The following IER3IP1 variants were observed in gnomAD, a reference collection of about 807,000 sequenced individuals.
IER3IP1 encodes the protein immediate early response 3 interacting protein 1.
Under a neutral mutation model 12.2 loss-of-function variants are expected in IER3IP1, and 16 were observed. The observed-to-expected ratio is 1.31, with a 90% CI of 0.89 to 1.99. The LOEUF (loss-of-function observed/expected upper bound fraction) is 1.99, where lower values mean the gene tolerates loss of function less well. Ranked by LOEUF, IER3IP1 falls within the 30% of genes most tolerant of loss-of-function variation. IER3IP1 has a pLI of 0.00. For missense variants in IER3IP1, 95 were observed against 95.8 expected, an observed-to-expected ratio of 0.99 and a Z score of 0.03; for synonymous variants, 42 against 40.0, an observed-to-expected ratio of 1.05 and a Z score of -0.19.
rs1568075872 is a variant in IER3IP1, at chr18:47,176,346, A to AAGG, written c.-70_-69insCCT. 8 of 1,391,886 alleles carry AAGG rather than the reference A, an allele frequency of 5.7e-6. No individual in the cohort carries two copies. Among genetic ancestry groups the AAGG allele is most frequent in the Non-Finnish European group, 8.0e-6 (8 of 1,006,156 alleles). 86.2% of individuals were successfully genotyped at this position (1,391,886 alleles called of 1,614,324 possible). On this transcript the variant is annotated 5_prime_UTR_variant, in exon 1 of 3. Coordinates refer to ENST00000256433, the MANE Select transcript of IER3IP1 (RefSeq NM_016097.5). ...CCGCCGCAAGGGACGTGGCGCCTCC[A>AAGG]CGGCCGGCGCCTTCCTACGGAAGCC...
intron 1 of IER3IP1, among the ~76,000 whole-genome samples, chr18:47,161,089 A>T (rs991582494): frequency 6.6e-6 from 1 of 152,170 alleles, no homozygotes. Context: ...TACAGGGCTT[A>T]ATTAATTCCT....
At chr18:47,157,335 T>A (rs1477636837) in intron 2 of IER3IP1, 101 bp downstream of exon 2, 17 of 932,190 alleles carry the variant, frequency 1.8e-5, no homozygotes, top group South Asian at 7.1e-5. Context: ...AGAAAAAAAA[T>A]TCCCACTACA....
In IER3IP1 at chr18:47,173,720, A is replaced by G. The variant is rs551425867; in HGVS notation, c.91+2467T>C. Among the ~76,000 whole-genome samples the G allele has an allele frequency of 3.3e-5, 5 of 152,242 alleles. No homozygotes were observed. The East Asian group carries it at 9.7e-4, about 29-fold the overall frequency. ...GCACAAACTGGGTGGCTTAACAGAA[A>G]TTTTTTCATAATTTTGGAGGCTAAA... On this transcript the variant is annotated intron_variant, in intron 1 of 2. Coordinates refer to ENST00000256433, the MANE Select transcript of IER3IP1 (RefSeq NM_016097.5).
chr18:47,165,029 A>G (rs1410990352), intron 1 of IER3IP1, among the ~76,000 whole-genome samples: 1 of 152,232 alleles, frequency 6.6e-6, no homozygotes, highest in African/African-American at 2.4e-5. Flanking sequence ...AACGCTCGAC[A>G]CACATATTTT....
intron 1 of IER3IP1, among the ~76,000 whole-genome samples, chr18:47,170,754 C>T (rs1229170745): frequency 6.6e-6 from 1 of 152,030 alleles, no homozygotes; most frequent in Non-Finnish European, 1.5e-5. Context: ...TCTTATTAAA[C>T]TCATTCATTT....
At chr18:47,158,461 C>T (rs1366318553) in intron 1 of IER3IP1, among the ~76,000 whole-genome samples, 1 of 152,048 alleles carries the variant, frequency 6.6e-6, no homozygotes, top group African/African-American at 2.4e-5. Context: ...CCCACCTCGG[C>T]CTCCCGAGTA....
intron 1 of IER3IP1, among the ~76,000 whole-genome samples, chr18:47,174,097 G>C (rs1427132742): frequency 6.6e-6 from 1 of 152,186 alleles, no homozygotes; most frequent in African/African-American, 2.4e-5. Flanking sequence ...ATCTTTTTGA[G>C]GGACACAATT....
intron 1 of IER3IP1, among the ~76,000 whole-genome samples, chr18:47,159,907 C>T (rs2063974345): frequency 6.6e-6 from 1 of 152,062 alleles, no homozygotes; most frequent in Non-Finnish European, 1.5e-5. Context: ...TAAAAGTTCC[C>T]ATCCTTGGCC....
chr18:47,162,113 G>A (rs1176772680), intron 1 of IER3IP1, among the ~76,000 whole-genome samples: 1 of 152,088 alleles, frequency 6.6e-6, no homozygotes, highest in Non-Finnish European at 1.5e-5. Flanking sequence ...GGGTGGCCCA[G>A]TTCCTAATAG....
chr18:47,166,361 T>C (rs2063995990), intron 1 of IER3IP1, among the ~76,000 whole-genome samples: 1 of 152,168 alleles, frequency 6.6e-6, no homozygotes, highest in Non-Finnish European at 1.5e-5. Context: ...ACAGTGATGC[T>C]ATGACCCATG....
chr18:47,172,900 C>T lies in IER3IP1; in HGVS notation c.91+3287G>A, dbSNP rs1288040145. 1.3e-5 allele frequency among the ~76,000 whole-genome samples: 2 copies of T among 152,164 alleles called. No homozygotes were observed. The highest frequency in any genetic ancestry group is 2.9e-5 in the Non-Finnish European group (2 of 68,026). On this transcript the variant is annotated intron_variant, in intron 1 of 2. Coordinates refer to ENST00000256433, the MANE Select transcript of IER3IP1 (RefSeq NM_016097.5). The surrounding 1 kb of genome is among the most constrained non-coding windows in gnomAD (Gnocchi z 4.0). Reference sequence around the variant, plus strand: ...CTCTGTTTTGCTCACTTGTCAAGTTCTCCTGTCAGTTCTTCCATCTCTACC... The same window carrying T: ...CTCTGTTTTGCTCACTTGTCAAGTTTTCCTGTCAGTTCTTCCATCTCTACC...
chr18:47,168,399 G>C (rs1430482140), intron 1 of IER3IP1, among the ~76,000 whole-genome samples: 1 of 151,680 alleles, frequency 6.6e-6, no homozygotes, highest in Non-Finnish European at 1.5e-5. Flanking sequence ...AAGATGAAAT[G>C]AACATTATTC....
At chr18:47,169,413 C>T (rs762955631) in intron 1 of IER3IP1, among the ~76,000 whole-genome samples, 1 of 151,990 alleles carries the variant, frequency 6.6e-6, no homozygotes, top group East Asian at 1.9e-4. Context: ...GTTTTCAATA[C>T]TCTTGGTATA....
At chr18:47,159,921 C>T (rs890137361) in intron 1 of IER3IP1, among the ~76,000 whole-genome samples, 2 of 151,706 alleles carry the variant, frequency 1.3e-5, no homozygotes, top group Non-Finnish European at 2.9e-5. Flanking sequence ...CTTGGCCGGG[C>T]GCGGTGGCTC....
chr18:47,164,273 A>G (rs1224829800), intron 1 of IER3IP1, among the ~76,000 whole-genome samples: 1 of 151,298 alleles, frequency 6.6e-6, no homozygotes, highest in African/African-American at 2.4e-5. Flanking sequence ...TTATGCCACC[A>G]GAATGAAAAA....
intron 1 of IER3IP1, among the ~76,000 whole-genome samples, chr18:47,171,234 T>C (rs1394522835): frequency 6.6e-6 from 1 of 152,226 alleles, no homozygotes; most frequent in Non-Finnish European, 1.5e-5. Context: ...CACTTGTTCA[T>C]GGTATATAAT....
At chr18:47,174,933 G>A (rs1210555263) in intron 1 of IER3IP1, among the ~76,000 whole-genome samples, 2 of 152,138 alleles carry the variant, frequency 1.3e-5, no homozygotes, top group African/African-American at 2.4e-5. Context: ...CTTCCTCCAA[G>A]AAGCTTTCGC....
intron 1 of IER3IP1, among the ~76,000 whole-genome samples, chr18:47,163,154 T>C (rs142842971): frequency 6.6e-6 from 1 of 152,134 alleles, no homozygotes; most frequent in Non-Finnish European, 1.5e-5. Flanking sequence ...TTAGACATAG[T>C]AAGAGATTAA....
In IER3IP1 at chr18:47,176,314, T is replaced by A; in HGVS notation, c.-37A>T. The A allele has an allele frequency of 6.5e-7, 1 of 1,547,796 alleles. No homozygotes were observed. Among genetic ancestry groups the A allele is most frequent in the Non-Finnish European group, 8.8e-7 (1 of 1,137,162 alleles). On this transcript the variant is annotated 5_prime_UTR_variant, in exon 1 of 3. Coordinates refer to ENST00000256433, the MANE Select transcript of IER3IP1 (RefSeq NM_016097.5). ...GCCGCCCCGAAGTCCAAGCGATTTCTCTCCCGCCGCCGCAAGGGACGTGGC... is the reference window on the plus strand; with the variant it reads ...GCCGCCCCGAAGTCCAAGCGATTTCACTCCCGCCGCCGCAAGGGACGTGGC...
Sources: gnomAD v4.1 joint callset for allele counts (sites outside exome capture counted in the v4.1 genomes callset) on GRCh38, gnomAD v4.1.1 for gene constraint, Gnocchi (gnomAD v3.1) non-coding constraint, MANE v1.5 for transcripts, NCBI Gene and HGNC (gene_info 2026-07-23, HGNC 2026-07-21) for gene names.